Variants in HS2ST1 observed in about 807,000 individuals in gnomAD.
HS2ST1 encodes heparan sulfate 2-O-sulfotransferase 1, also known as 2-O-sulfotransferase.
A neutral mutation model predicts 42.9 loss-of-function variants in HS2ST1; 18 were observed. That is an observed-to-expected ratio of 0.42 (90% CI 0.29 to 0.62). HS2ST1 has a LOEUF of 0.62. HS2ST1 is among the 20% of genes least tolerant of loss of function. HS2ST1 has a pLI of 0.21. For missense variants in HS2ST1, 334 were observed against 433.8 expected (o/e 0.77, Z 2.04); for synonymous variants, 146 against 152.9 (o/e 0.95, Z 0.33).
At chr1:86,941,973 G>A (rs1383142709) in intron 1 of HS2ST1, among the ~76,000 whole-genome samples, 2 of 152,166 alleles carry the variant, frequency 1.3e-5, no homozygotes, top group Non-Finnish European at 2.9e-5. Flanking sequence ...ATGAGCAGAA[G>A]CTTAATACTG....
chr1:86,992,306 C>G (rs1188294448), intron 1 of HS2ST1, among the ~76,000 whole-genome samples: 2 of 151,304 alleles, frequency 1.3e-5, no homozygotes, highest in Non-Finnish European at 2.9e-5. Context: ...TCTTGAATAA[C>G]TCATGCGCTG....
chr1:86,959,604 G>A (rs1212933662), intron 1 of HS2ST1, among the ~76,000 whole-genome samples: 4 of 152,176 alleles, frequency 2.6e-5, no homozygotes, highest in Non-Finnish European at 5.9e-5. Flanking sequence ...GTTGCAGAGA[G>A]CTGAGATCAC....
At position 86,953,414 on chromosome 1, in the gene HS2ST1, A is replaced by C. The variant is rs1320160503; in HGVS notation, c.124+38254A>C. On this transcript the variant is annotated intron_variant, in intron 1 of 6. Coordinates refer to ENST00000370550, the MANE Select transcript of HS2ST1 (RefSeq NM_012262.4). Reference sequence around the variant, plus strand: ...TGCATTCTCAACTTGACTCTTTGGCACAAGAGTCCTAGCTTTCAGCCTGTC... The same window carrying C: ...TGCATTCTCAACTTGACTCTTTGGCCCAAGAGTCCTAGCTTTCAGCCTGTC... Among the ~76,000 whole-genome samples, 3 of 152,198 alleles carry C rather than the reference A, an allele frequency of 2.0e-5. No individual in the cohort carries two copies. In the East Asian group the frequency reaches 5.8e-4, roughly 29 times the overall value.
chr1:86,994,940 A>G (rs957959161), intron 1 of HS2ST1, among the ~76,000 whole-genome samples: 9 of 152,100 alleles, frequency 5.9e-5, no homozygotes, highest in African/African-American at 1.9e-4. Flanking sequence ...TCTTATGACA[A>G]AACTCTTTTT....
At chr1:86,948,182 A>G (rs2102183045) in intron 1 of HS2ST1, among the ~76,000 whole-genome samples, 1 of 152,280 alleles carries the variant, frequency 6.6e-6, no homozygotes, top group East Asian at 1.9e-4. Context: ...GGGGAGAAAC[A>G]TCTCACTATA....
chr1:87,099,125 CA>C (rs1213187986), intron 5 of HS2ST1, among the ~76,000 whole-genome samples: 3 of 152,136 alleles, frequency 2.0e-5, no homozygotes, highest in Non-Finnish European at 4.4e-5. Context: ...CAGCCACATA[CA>C]TTTTTTTACT....
chr1:86,971,870 G>C (rs1648242821), intron 1 of HS2ST1, among the ~76,000 whole-genome samples: 1 of 152,058 alleles, frequency 6.6e-6, no homozygotes, highest in Admixed American at 6.6e-5. Flanking sequence ...GATCTCAGAA[G>C]ATATGAAAAC....
chr1:87,097,980 T>G, intron 5 of HS2ST1, 45 bp downstream of exon 5: 2 of 1,612,008 alleles, frequency 1.2e-6, no homozygotes, highest in South Asian at 2.2e-5. Flanking sequence ...ATCCTTATTA[T>G]CTCTGTAATC....
chr1:86,921,238 A>T (rs959102026), intron 1 of HS2ST1, among the ~76,000 whole-genome samples: 1 of 152,070 alleles, frequency 6.6e-6, no homozygotes, highest in African/African-American at 2.4e-5. Context: ...TTCATCAGTT[A>T]TGGAGAGGGG....
In HS2ST1 at chr1:86,992,435, C is replaced by T. The variant is rs1042858078; in HGVS notation, c.124+77275C>T. Among the ~76,000 whole-genome samples, 19 of 151,530 alleles carry T rather than the reference C, an allele frequency of 1.3e-4. 1 individual carries two copies. Among genetic ancestry groups the T allele is most frequent in the African/African-American group, 4.1e-4 (17 of 41,198 alleles). On this transcript the variant is annotated intron_variant, in intron 1 of 6. Coordinates refer to ENST00000370550, the MANE Select transcript of HS2ST1 (RefSeq NM_012262.4). ...GGCCTGGAGTGCAATGGCATGATCT[C>T]GGCTCACCGCAGCCTCCACCTCCCG...
At chr1:86,946,046 G>A (rs1240623932) in intron 1 of HS2ST1, among the ~76,000 whole-genome samples, 1 of 152,150 alleles carries the variant, frequency 6.6e-6, no homozygotes, top group Non-Finnish European at 1.5e-5. Flanking sequence ...TTAGGTCTGG[G>A]CGAAATAAAC....
chr1:86,975,800 A>G (rs1648382790), intron 1 of HS2ST1, among the ~76,000 whole-genome samples: 2 of 152,236 alleles, frequency 1.3e-5, no homozygotes, highest in African/African-American at 2.4e-5. Context: ...AAAAGTTTAT[A>G]AATTTTGTTC....
intron 1 of HS2ST1, among the ~76,000 whole-genome samples, chr1:86,973,606 T>G (rs1432626890): frequency 5.9e-5 from 9 of 152,186 alleles, no homozygotes. Flanking sequence ...TTGATTGCCT[T>G]GGGCTAAGAG....
intron 1 of HS2ST1, among the ~76,000 whole-genome samples, chr1:87,007,216 A>T (rs1374470122): frequency 6.6e-6 from 1 of 151,950 alleles, no homozygotes; most frequent in Non-Finnish European, 1.5e-5. Flanking sequence ...AGTTTTTTTT[A>T]AAAAGTTTAT....
intron 1 of HS2ST1, among the ~76,000 whole-genome samples, chr1:86,968,715 A>C (rs1648141234): frequency 6.6e-6 from 1 of 152,120 alleles, no homozygotes; most frequent in East Asian, 1.9e-4. Context: ...TCCAGTCCTC[A>C]TAAGTGGTTC....
At chr1:87,041,536 C>T (rs956654636) in intron 1 of HS2ST1, among the ~76,000 whole-genome samples, 2 of 152,146 alleles carry the variant, frequency 1.3e-5, no homozygotes, top group African/African-American at 2.4e-5. Flanking sequence ...TGTTGTACAG[C>T]AGACCTCTGG....
chr1:86,936,014 C>G (rs146125762), intron 1 of HS2ST1, among the ~76,000 whole-genome samples: 1 of 152,178 alleles, frequency 6.6e-6, no homozygotes, highest in Non-Finnish European at 1.5e-5. Flanking sequence ...TTAGATTTTA[C>G]CAGTTTTTAC....
chr1:87,046,511 CT>C, intron 1 of HS2ST1: 1 of 1,460,740 alleles, frequency 6.8e-7, no homozygotes, highest in Non-Finnish European at 9.6e-7. Flanking sequence ...TCCAGTTAAA[CT>C]TTTTACCAAG....
intron 5 of HS2ST1, among the ~76,000 whole-genome samples, chr1:87,101,263 T>A (rs1652198727): frequency 6.9e-6 from 1 of 145,148 alleles, no homozygotes; most frequent in South Asian, 2.3e-4. Flanking sequence ...CCTCCCGGGC[T>A]CAGGCAATTC....
Sources: allele counts gnomAD v4.1 joint callset (sites outside exome capture counted in the v4.1 genomes callset), GRCh38; gene constraint gnomAD v4.1.1; transcripts MANE v1.5; gene names NCBI Gene and HGNC (gene_info 2026-07-23, HGNC 2026-07-21).